Variants in NME7 observed in about 807,000 individuals in gnomAD.
The protein encoded by NME7 is NME/NM23 family member 7, also known as nucleoside diphosphate kinase 7.
In NME7, 41 loss-of-function variants were observed where a neutral mutation model predicts 49.1. The ratio of observed to expected loss-of-function variants is 0.83; its 90% CI spans 0.65 to 1.08. The LOEUF (loss-of-function observed/expected upper bound fraction) is 1.08. Ranked by LOEUF, NME7 falls within the 50% of genes least tolerant of loss-of-function variation. NME7 has a pLI of 0.00. For synonymous variants in NME7, 139 were observed against 150.6 expected (o/e 0.92, Z 0.56); for missense variants, 423 against 463.4 (o/e 0.91, Z 0.80).
chr1:169,288,660 T>C (rs1468512175), intron 6 of NME7, among the ~76,000 whole-genome samples: 2 of 152,190 alleles, frequency 1.3e-5, no homozygotes, highest in African/African-American at 4.8e-5. Flanking sequence ...TAGTAGTGTA[T>C]ACACCTGAGC....
intron 5 of NME7, among the ~76,000 whole-genome samples, chr1:169,299,010 C>T (rs1348048322): frequency 6.6e-6 from 1 of 152,090 alleles, no homozygotes; most frequent in African/African-American, 2.4e-5. Context: ...AATCACTGTT[C>T]TGTTGAATTA....
Position 169,268,513 on chromosome 1 carries a change from T to G in NME7, c.754+18790A>C, listed in dbSNP as rs1469149564. On this transcript the variant is annotated intron_variant, in intron 7 of 11. Transcript: ENST00000367811. ...ATGTTCACTGAAGCACTATTCACAATAGTAAAGACATAAAAGTAACCTAAA... is the reference window on the plus strand; with the variant it reads ...ATGTTCACTGAAGCACTATTCACAAGAGTAAAGACATAAAAGTAACCTAAA... 1.5e-5 allele frequency among the ~76,000 whole-genome samples: 2 copies of G among 133,388 alleles called. 1 individual carries two copies. Among genetic ancestry groups the G allele is most frequent in the African/African-American group, 5.1e-5 (2 of 39,478 alleles). 87.5% of individuals were successfully genotyped at this position (133,388 alleles called of 152,430 possible). A position where few individuals can be genotyped will look rare whatever the true frequency, so the allele number is the denominator to read the frequency against.
intron 7 of NME7, among the ~76,000 whole-genome samples, chr1:169,277,901 G>A (rs1479805807): frequency 7.2e-6 from 1 of 138,628 alleles, no homozygotes; most frequent in African/African-American, 2.6e-5. Flanking sequence ...AAATCTCTCA[G>A]CATTTGCTTG....
intron 10 of NME7, among the ~76,000 whole-genome samples, chr1:169,228,505 G>A (rs113113237): frequency 0.06 from 9,097 of 151,048 alleles, 374 homozygotes; most frequent in South Asian, 0.11. Context: ...GTGAAACCCC[G>A]TCTCTACTAA....
chr1:169,231,821 T>C (rs1187946337), intron 9 of NME7, among the ~76,000 whole-genome samples: 1 of 152,100 alleles, frequency 6.6e-6, no homozygotes, highest in Non-Finnish European at 1.5e-5. Flanking sequence ...CTACAAAGAT[T>C]AAAAGCAAGA....
In NME7 at chr1:169,263,248, C is replaced by A. The variant is rs1385846076; in HGVS notation, c.754+24055G>T. Among the ~76,000 whole-genome samples, 2 of 133,858 alleles carry A rather than the reference C, an allele frequency of 1.5e-5. 1 individual carries two copies. The highest frequency in any genetic ancestry group is 3.5e-5 in the Non-Finnish European group (2 of 56,994). The allele number at this position is 133,858 out of a possible 152,430, so 87.8% of individuals were successfully genotyped here. On this transcript the variant is annotated intron_variant, in intron 7 of 11. Coordinates refer to ENST00000367811, the MANE Select transcript of NME7 (RefSeq NM_013330.5). ...TAGTTCTCCAGTTAAGGGTTATTAA[C>A]TGGGTTGAGATGGCTGAAATGACAG...
At chr1:169,256,370 T>C (rs1298327583) in intron 7 of NME7, among the ~76,000 whole-genome samples, 1 of 134,566 alleles carries the variant, frequency 7.4e-6, no homozygotes, top group Non-Finnish European at 1.7e-5. Context: ...TCCTGAGGCT[T>C]CTGCGTTCTT....
At chr1:169,230,894 C>T in intron 9 of NME7, 75 bp from the exon 10 acceptor site, 1 of 947,916 alleles carries the variant, frequency 1.1e-6, no homozygotes, top group East Asian at 2.8e-5. Flanking sequence ...TTTCACTGTT[C>T]CACTAATGTC....
At chr1:169,323,484 GCTT>G (rs1158355150) in intron 2 of NME7, among the ~76,000 whole-genome samples, 1 of 151,982 alleles carries the variant, frequency 6.6e-6, no homozygotes, top group Non-Finnish European at 1.5e-5. Flanking sequence ...TAACATAAAA[GCTT>G]CTTATTACAA....
intron 10 of NME7, among the ~76,000 whole-genome samples, chr1:169,191,416 T>C (rs1309647333): frequency 6.6e-6 from 1 of 152,196 alleles, no homozygotes. Context: ...ATACTGAGGA[T>C]ATGCGTAATT....
chr1:169,349,247 C>T (rs1653065093), intron 1 of NME7, among the ~76,000 whole-genome samples: 1 of 152,150 alleles, frequency 6.6e-6, no homozygotes, highest in Non-Finnish European at 1.5e-5. Context: ...TATATCCCCT[C>T]CAGTCATCGG....
Position 169,297,318 on chromosome 1 carries a change from T to C in NME7, c.648+1238A>G, listed in dbSNP as rs548973252. 3.8e-3 allele frequency among the ~76,000 whole-genome samples: 580 copies of C among 152,280 alleles called. 2 individuals carry two copies. The highest frequency in any genetic ancestry group is 6.1e-3 in the Non-Finnish European group (416 of 68,014). ...CAACAGCCAGAATGATCCTTTTAAA[T>C]GGCAAGTGGAAGATATCAGTCCTTT... On this transcript the variant is annotated intron_variant, in intron 6 of 11. Coordinates refer to ENST00000367811, the MANE Select transcript of NME7 (RefSeq NM_013330.5).
At chr1:169,172,165 C>T (rs1215931856) in intron 10 of NME7, among the ~76,000 whole-genome samples, 1 of 152,088 alleles carries the variant, frequency 6.6e-6, no homozygotes, top group Non-Finnish European at 1.5e-5. Context: ...CCACCCAGTA[C>T]CCCTACCCCT....
At chr1:169,348,876 A>T (rs1653047969) in intron 1 of NME7, among the ~76,000 whole-genome samples, 1 of 137,032 alleles carries the variant, frequency 7.3e-6, no homozygotes, top group Non-Finnish European at 1.5e-5. Flanking sequence ...GCTACATAAA[A>T]GCAAAAGAAA....
chr1:169,246,549 C>G (rs973999373), intron 7 of NME7, among the ~76,000 whole-genome samples: 3 of 152,152 alleles, frequency 2.0e-5, no homozygotes, highest in Admixed American at 1.3e-4. Flanking sequence ...AATTTCCTAA[C>G]AAGAACAAGC....
intron 11 of NME7, among the ~76,000 whole-genome samples, 154 bp from the exon 12 acceptor site, chr1:169,132,971 T>C (rs1658285781): frequency 6.6e-6 from 1 of 152,212 alleles, no homozygotes; most frequent in Admixed American, 6.5e-5. Context: ...AGAGAATCGA[T>C]GAAGCTCCAG....
At chr1:169,278,458 C>T (rs974721046) in intron 7 of NME7, among the ~76,000 whole-genome samples, 1 of 152,130 alleles carries the variant, frequency 6.6e-6, no homozygotes. Flanking sequence ...CACTGAAACC[C>T]TTTCTTCCAG....
At chr1:169,247,967 A>G (rs548202311) in intron 7 of NME7, among the ~76,000 whole-genome samples, 1 of 152,272 alleles carries the variant, frequency 6.6e-6, no homozygotes, top group South Asian at 2.1e-4. Context: ...TGTCTTTAAT[A>G]TAATCACTTA....
chr1:169,186,938 T>A (rs1489316830), intron 10 of NME7, among the ~76,000 whole-genome samples: 2 of 152,178 alleles, frequency 1.3e-5, no homozygotes, highest in African/African-American at 4.8e-5. Flanking sequence ...TGAAGAGATT[T>A]TGGTATGCTG....
Sources: allele counts gnomAD v4.1 joint callset (sites outside exome capture counted in the v4.1 genomes callset), GRCh38; gene constraint gnomAD v4.1.1; transcripts MANE v1.5; gene names NCBI Gene and HGNC (gene_info 2026-07-23, HGNC 2026-07-21).